The following GNA15 variants were observed in gnomAD, a reference collection of about 807,000 sequenced individuals.
GNA15 encodes the protein guanine nucleotide-binding protein subunit alpha-15.
GNA15 carries 23 observed loss-of-function variants against 40.1 expected under a neutral mutation model. The ratio of observed to expected loss-of-function variants is 0.57; its 90% CI spans 0.41 to 0.81. The LOEUF (loss-of-function observed/expected upper bound fraction) is 0.81. Among genes scored for constraint, GNA15 ranks in the 40% least tolerant of loss-of-function variants. The probability of loss-of-function intolerance (pLI) is 0.00; values close to 1 mark genes in which losing one functional copy is unlikely to be tolerated. For synonymous variants in GNA15, 226 were observed against 210.4 expected (o/e 1.07, Z -0.64); for missense variants, 522 against 515.8 (o/e 1.01, Z -0.12).
At chr19:3,147,981 C>T (rs1483305458) in intron 1 of GNA15, among the ~76,000 whole-genome samples, 4 of 152,016 alleles carry the variant, frequency 2.6e-5, no homozygotes, top group African/African-American at 7.2e-5. Flanking sequence ...CTCAAGCAGC[C>T]GGAGTTTGCG....
intron 1 of GNA15, among the ~76,000 whole-genome samples, chr19:3,138,290 T>G (rs1449627604): frequency 6.6e-6 from 1 of 152,170 alleles, no homozygotes; most frequent in Non-Finnish European, 1.5e-5. Context: ...TTCTGATCTC[T>G]GAAACCTCGG....
intron 6 of GNA15, among the ~76,000 whole-genome samples, chr19:3,158,513 T>C (rs189215571): frequency 6.6e-6 from 1 of 152,278 alleles, no homozygotes; most frequent in East Asian, 1.9e-4. Context: ...CCTTCAAGCA[T>C]GGGTTTGCTA....
Position 3,162,975 on chromosome 19 carries a change from G to T in GNA15, c.1081G>T (p.Asp361Tyr). ...CCGCAAGGTCTTCAAGGACGTGCGG[G>T]ACTCGGTGCTCGCCCGCTACCTGGA... ...NIRKVFKDVR[D>Y]SVLARYLDEI... Residue 361 changes from aspartate (D) to tyrosine (Y), a missense_variant, in exon 7 of 7, where the codon GAC becomes TAC. Coordinates refer to ENST00000262958, the MANE Select transcript of GNA15 (RefSeq NM_002068.4). 2 of 1,613,714 alleles carry T rather than the reference G, an allele frequency of 1.2e-6. No individual in the cohort carries two copies.
chr19:3,159,089 A>G (rs1432700653), intron 6 of GNA15, among the ~76,000 whole-genome samples: 2 of 151,940 alleles, frequency 1.3e-5, no homozygotes, highest in Non-Finnish European at 2.9e-5. Flanking sequence ...CAGTGGCGCA[A>G]TCTCAGCTCA....
At chr19:3,157,650 GC>G in intron 5 of GNA15, 77 bp from the exon 6 acceptor site, 1 of 1,334,162 alleles carries the variant, frequency 7.5e-7, no homozygotes, top group Non-Finnish European at 1.1e-6. Context: ...GGAGCCAACA[GC>G]CCCGTCTCCG....
chr19:3,136,411 G>A lies in GNA15; in HGVS notation c.-40G>A, dbSNP rs577523583. ...GGGTTGCCCTGGCCAGCAGGGGCCC[G>A]GGGGCGATGCCACCCGGTGCCGACT... is the stretch of plus-strand genomic sequence containing the variant. On this transcript the variant is annotated 5_prime_UTR_variant, in exon 1 of 7. Transcript: ENST00000262958. The surrounding 1 kb of genome is among the most constrained non-coding windows in gnomAD (Gnocchi z 4.9). 9.9e-4 allele frequency: 1,523 copies of A among 1,538,302 alleles called. 1 individual carries two copies. Among genetic ancestry groups the A allele is most frequent in the Middle Eastern group, 4.9e-3 (21 of 4,322 alleles).
At chr19:3,162,686 G>A (rs375009669) in intron 6 of GNA15, 107 bp from the exon 7 acceptor site, 6 of 682,318 alleles carry the variant, frequency 8.8e-6, no homozygotes, top group Middle Eastern at 6.1e-4. Flanking sequence ...AATGACAGGC[G>A]CGATCCCTGG....
In GNA15 at chr19:3,148,611, A is replaced by G. The variant is rs1222837047; in HGVS notation, c.166A>G (p.Ser56Gly). The G allele has an allele frequency of 3.8e-6, 6 of 1,584,124 alleles. No individual in the cohort carries two copies. Among genetic ancestry groups the G allele is most frequent in the Non-Finnish European group, 5.2e-6 (6 of 1,164,848 alleles). The change falls in exon 2 of 7, where the codon AGC becomes GGC. Residue 56 changes from serine to glycine, a missense_variant. Transcript: ENST00000262958. ...LLLGPGESGK[S>G]TFIKQMRIIH... ...CCCAGGCCCAGGCGAGAGCGGGAAG[A>G]GCACCTTCATCAAGCAGATGCGGAT... is the stretch of plus-strand genomic sequence containing the variant.
chr19:3,156,070 A>G, intron 5 of GNA15, 118 bp downstream of exon 5: 1 of 948,900 alleles, frequency 1.1e-6, no homozygotes, highest in East Asian at 2.6e-5. Context: ...GTGTGTGCCC[A>G]GCATGGCTAT....
Position 3,162,917 on chromosome 19 carries a change from C to G in GNA15, c.1023C>G (p.Ser341Arg). ...KKGARSRRLF[S>R]HYTCATDTQN... ...GCGCACGATCCCGACGCCTCTTCAG[C>G]CACTACACATGTGCCACAGACACAC... is the stretch of plus-strand genomic sequence containing the variant. Residue 341 changes from serine to arginine, a missense_variant, in exon 7 of 7, where the codon AGC (serine) becomes AGG (arginine). By Grantham distance (110) the Ser-to-Arg change is moderately radical (BLOSUM62 -1). Coordinates refer to ENST00000262958, the MANE Select transcript of GNA15 (RefSeq NM_002068.4). 1 of 1,613,940 alleles carries G rather than the reference C, an allele frequency of 6.2e-7. No individual in the cohort carries two copies. The highest frequency in any genetic ancestry group is 8.5e-7 in the Non-Finnish European group (1 of 1,179,808).
In GNA15 at chr19:3,159,541, C is replaced by T. The variant is rs559301935; in HGVS notation, c.898+1660C>T. Among the ~76,000 whole-genome samples the T allele has an allele frequency of 4.6e-5, 7 of 151,786 alleles. No individual in the cohort carries two copies. In the South Asian group the frequency reaches 1.0e-3, roughly 23 times the overall value. ...TGTGTTTTTAGTAGAGACGGGGTTT[C>T]TCCATGTTGGTCAGGCTGGACTTGA... is the stretch of plus-strand genomic sequence containing the variant. On this transcript the variant is annotated intron_variant, in intron 6 of 6. Coordinates refer to ENST00000262958, the MANE Select transcript of GNA15 (RefSeq NM_002068.4).
rs114749849 is a variant in GNA15, at chr19:3,155,727, A to G, written c.615-96A>G. On this transcript the variant is annotated intron_variant, in intron 4 of 6. Transcript: ENST00000262958. This position sits in a 1 kb window ranked among gnomAD's most constrained non-coding sequence, Gnocchi z 5.6. ...GCTAGCACCTATTCTTGCTGTCGCT[A>G]TTATGGATCTTGGCATATCCCAGAC... The G allele has an allele frequency of 1.0e-3, 1,440 of 1,383,330 alleles. 8 individuals carry two copies. The African/African-American group carries it at 0.018, about 17-fold the overall frequency. 85.7% of individuals were successfully genotyped at this position (1,383,330 alleles called of 1,614,324 possible). A position where few individuals can be genotyped will look rare whatever the true frequency, so the allele number is the denominator to read the frequency against.
At chr19:3,148,501 C>T (rs1470318900) in intron 1 of GNA15, 90 bp from the exon 2 acceptor site, 8 of 1,245,740 alleles carry the variant, frequency 6.4e-6, no homozygotes, top group African/African-American at 5.1e-5. Context: ...GGAGGCCTGG[C>T]GTGGAGTTGG....
intron 6 of GNA15, 61 bp downstream of exon 6, chr19:3,157,942 G>C: frequency 7.5e-7 from 1 of 1,334,064 alleles, no homozygotes; most frequent in Middle Eastern, 1.8e-4. Flanking sequence ...GAAGAGAGAT[G>C]CTAATCCAGA....
intron 4 of GNA15, among the ~76,000 whole-genome samples, chr19:3,153,511 A>G (rs1447338181): frequency 6.7e-6 from 1 of 148,652 alleles, no homozygotes; most frequent in Admixed American, 6.7e-5. Flanking sequence ...GATGGGTGAT[A>G]CATGAATGGA....
chr19:3,154,587 G>A (rs186771414), intron 4 of GNA15, among the ~76,000 whole-genome samples: 93 of 150,972 alleles, frequency 6.2e-4, no homozygotes, highest in African/African-American at 2.2e-3. Context: ...TGGATGGATG[G>A]ATAGATGGGT....
intron 6 of GNA15, among the ~76,000 whole-genome samples, chr19:3,158,152 T>G (rs146191785): frequency 2.8e-4 from 43 of 152,232 alleles, no homozygotes; most frequent in African/African-American, 1.0e-3. Context: ...AAACATTTTA[T>G]TTATTTATTT....
At chr19:3,154,379 G>A (rs538919442) in intron 4 of GNA15, among the ~76,000 whole-genome samples, 2 of 136,698 alleles carry the variant, frequency 1.5e-5, no homozygotes. Context: ...GTGGATGAAT[G>A]GATGAGTGGA....
intron 1 of GNA15, among the ~76,000 whole-genome samples, chr19:3,145,359 A>ATATATATATATATATATATATTTTTT: frequency 4.3e-5 from 2 of 46,972 alleles, no homozygotes; most frequent in Non-Finnish European, 7.8e-5. Context: ...ATATATATAT[A>ATATATATATATATATATATATTTTTT]TTTTTTTTTT....
Sources: allele counts gnomAD v4.1 joint callset (sites outside exome capture counted in the v4.1 genomes callset), GRCh38; gene constraint gnomAD v4.1.1; non-coding constraint Gnocchi (gnomAD v3.1); transcripts MANE v1.5; gene names NCBI Gene and HGNC (gene_info 2026-07-23, HGNC 2026-07-21).